ZNF148: variants seen among roughly 807,000 people sequenced by gnomAD.
ZNF148 encodes zinc finger protein 148.
ZNF148 carries 7 observed loss-of-function variants against 67.7 expected under a neutral mutation model. The ratio of observed to expected loss-of-function variants is 0.10; its 90% confidence interval spans 0.06 to 0.19. The LOEUF (loss-of-function observed/expected upper bound fraction) is 0.19, where lower values mean the gene tolerates loss of function less well. Ranked by LOEUF, ZNF148 falls within the 10% of genes least tolerant of loss-of-function variation. The probability of loss-of-function intolerance (pLI) is 1.00; values close to 1 mark genes in which losing one functional copy is unlikely to be tolerated. For synonymous variants in ZNF148, 333 were observed against 330.7 expected, an observed-to-expected ratio of 1.01 and a Z score of -0.08; for missense variants, 583 against 947.1, an observed-to-expected ratio of 0.62 and a Z score of 5.05.
intron 1 of ZNF148, among the ~76,000 whole-genome samples, chr3:125,363,777 G>T (rs1255415031): frequency 6.6e-6 from 1 of 151,588 alleles, no homozygotes; most frequent in African/African-American, 2.4e-5. Context: ...AGCCTCCCGT[G>T]CACCTGGAAC....
intron 4 of ZNF148, among the ~76,000 whole-genome samples, chr3:125,288,863 A>G (rs1393007776): frequency 6.6e-6 from 1 of 152,202 alleles, no homozygotes; most frequent in Non-Finnish European, 1.5e-5. Context: ...TTAGGCTGCT[A>G]CACTGTACAA....
At chr3:125,287,984 C>A in intron 5 of ZNF148, 119 bp downstream of exon 5, 1 of 1,437,418 alleles carries the variant, frequency 7.0e-7, no homozygotes, top group Admixed American at 2.0e-5. Flanking sequence ...GCACCCCCTC[C>A]TACTAAACCA....
At chr3:125,325,276 G>T (rs893739699) in intron 2 of ZNF148, among the ~76,000 whole-genome samples, 1 of 151,974 alleles carries the variant, frequency 6.6e-6, no homozygotes, top group African/African-American at 2.4e-5. Flanking sequence ...GAAAATCAGT[G>T]ACCTTTAAGA....
intron 1 of ZNF148, chr3:125,357,118 G>A (rs1220440027): frequency 6.6e-6 from 1 of 152,218 alleles, no homozygotes; most frequent in Non-Finnish European, 1.5e-5. Context: ...TGGCTGCGGA[G>A]AAGCCACTCA....
chr3:125,232,619 G>T lies in ZNF148; in HGVS notation c.2107C>A (p.Gln703Lys), dbSNP rs780541371. The change falls in exon 9 of 9, where the codon CAG (glutamine) becomes AAG (lysine). Residue 703 changes from glutamine (Q) to lysine (K), a missense_variant. Gln to Lys is a moderately conservative substitution (Grantham distance 53, BLOSUM62 1). Around this residue, in one of 5 missense-constraint regions of ZNF148, gnomAD observed 158 missense variants for 208.4 expected, o/e 0.76. Coordinates refer to ENST00000360647, the MANE Select transcript of ZNF148 (RefSeq NM_021964.3). The surrounding 1 kb of genome is among the most constrained non-coding windows in gnomAD (Gnocchi z 4.2). ...ETNHASATST[Q>K]DFLDQVTSQK... Reference sequence around the variant, plus strand: ...GAAGTCACTTGATCCAGAAAGTCCTGTGTTGATGTGGCAGAAGCATGGTTT... The same window carrying T: ...GAAGTCACTTGATCCAGAAAGTCCTTTGTTGATGTGGCAGAAGCATGGTTT... The T allele has an allele frequency of 6.2e-7, 1 of 1,613,826 alleles. No homozygotes were observed. Among genetic ancestry groups the T allele is most frequent in the Non-Finnish European group, 8.5e-7 (1 of 1,179,776 alleles).
intron 1 of ZNF148, among the ~76,000 whole-genome samples, chr3:125,360,999 C>A (rs566894450): frequency 4.0e-4 from 61 of 151,710 alleles, no homozygotes; most frequent in African/African-American, 1.4e-3. Flanking sequence ...CCACTGCACT[C>A]CAGCCTGGGT....
chr3:125,268,478 T>C (rs1194922490), intron 7 of ZNF148, among the ~76,000 whole-genome samples: 3 of 152,124 alleles, frequency 2.0e-5, no homozygotes, highest in African/African-American at 7.2e-5. Flanking sequence ...CCCTAATAAA[T>C]GGTGCAGTGG....
At chr3:125,287,135 A>G (rs1039248454) in intron 5 of ZNF148, among the ~76,000 whole-genome samples, 1 of 152,228 alleles carries the variant, frequency 6.6e-6, no homozygotes, top group South Asian at 2.1e-4. Flanking sequence ...TATAAATAAT[A>G]ATGATGATTA....
At chr3:125,342,031 A>G (rs528252758) in intron 1 of ZNF148, among the ~76,000 whole-genome samples, 2 of 151,950 alleles carry the variant, frequency 1.3e-5, no homozygotes, top group East Asian at 3.9e-4. Context: ...GGGGAAGAGA[A>G]TCGTTGAACT....
intron 3 of ZNF148, among the ~76,000 whole-genome samples, chr3:125,317,880 T>C (rs916304837): frequency 2.6e-5 from 4 of 151,882 alleles, no homozygotes; most frequent in Admixed American, 6.6e-5. Context: ...AGTAACAGAA[T>C]TGACTCTAGG....
chr3:125,256,763 T>G (rs1054271687), intron 7 of ZNF148, among the ~76,000 whole-genome samples: 25 of 152,308 alleles, frequency 1.6e-4, no homozygotes, highest in African/African-American at 6.0e-4. Context: ...TTCCTACTAG[T>G]CATGTACTAC....
At chr3:125,326,332 G>C (rs1298342471) in intron 2 of ZNF148, among the ~76,000 whole-genome samples, 1 of 151,956 alleles carries the variant, frequency 6.6e-6, no homozygotes, top group Non-Finnish European at 1.5e-5. Context: ...CTGTACTACT[G>C]GGTTTATAAT....
intron 1 of ZNF148, among the ~76,000 whole-genome samples, chr3:125,335,002 A>G (rs1253961474): frequency 1.3e-5 from 2 of 152,190 alleles, no homozygotes; most frequent in East Asian, 3.8e-4. Context: ...CTACAAGTCT[A>G]GCTAAAGTCT....
Position 125,233,322 on chromosome 3 carries a change from C to T in ZNF148, c.1404G>A (p.Met468Ile). The change falls in exon 9 of 9, where the codon ATG becomes ATA. Residue 468 changes from methionine to isoleucine, a missense_variant. By Grantham distance (10) the Met-to-Ile change is conservative (BLOSUM62 1). This residue lies in a region of ZNF148 where 172 missense variants were observed against 307.7 expected (regional missense o/e 0.56). Coordinates refer to ENST00000360647, the MANE Select transcript of ZNF148 (RefSeq NM_021964.3). This position sits in a 1 kb window ranked among gnomAD's most constrained non-coding sequence, Gnocchi z 5.1. ...VHSSTNYDDA[M>I]QFLKKKRYLQ... is the part of the protein sequence containing the mutation. The stretch of plus-strand genomic sequence containing the variant: ...GATACCGCTTCTTCTTCAAAAACTG[C>T]ATGGCATCATCATAATTAGTACTAC... 6.2e-7 allele frequency: 1 copy of T among 1,613,954 alleles called. No homozygotes were observed. Among genetic ancestry groups the T allele is most frequent in the Non-Finnish European group, 8.5e-7 (1 of 1,179,916 alleles).
chr3:125,280,262 A>G (rs888517234), intron 5 of ZNF148, among the ~76,000 whole-genome samples: 5 of 152,102 alleles, frequency 3.3e-5, no homozygotes, highest in African/African-American at 7.2e-5. Flanking sequence ...AGACAAAGCA[A>G]CCTTGTCTTT....
At chr3:125,335,848 C>T (rs1032830943) in intron 1 of ZNF148, among the ~76,000 whole-genome samples, 5 of 152,054 alleles carry the variant, frequency 3.3e-5, no homozygotes, top group Admixed American at 6.6e-5. Context: ...ACTTTTAGCC[C>T]ACCAAATTAT....
chr3:125,351,380 CAAAAAAAAAAAAAA>C (rs1158167448), intron 1 of ZNF148, among the ~76,000 whole-genome samples: 3 of 51,352 alleles, frequency 5.8e-5, no homozygotes, highest in African/African-American at 1.7e-4. Context: ...CCTTGTTTCT[CAAAAAAAAAAAAAA>C]AAAAAAAAAA....
intron 1 of ZNF148, among the ~76,000 whole-genome samples, chr3:125,336,097 T>C (rs550433221): frequency 2.0e-5 from 3 of 152,332 alleles, no homozygotes; most frequent in East Asian, 1.9e-4. Flanking sequence ...GTAATCTTTC[T>C]AGAAAATCAT....
intron 1 of ZNF148, among the ~76,000 whole-genome samples, chr3:125,359,148 T>G (rs1178356953): frequency 1.3e-5 from 2 of 152,340 alleles, no homozygotes; most frequent in East Asian, 3.9e-4. Context: ...CCAAGTTTCA[T>G]GAGTTGAGCA....
Sources: gnomAD v4.1 joint callset for allele counts (sites outside exome capture counted in the v4.1 genomes callset) on GRCh38, gnomAD v4.1.1 for gene constraint, gnomAD v4.1.1 regional missense constraint, Gnocchi (gnomAD v3.1) non-coding constraint, MANE v1.5 for transcripts, NCBI Gene and HGNC (gene_info 2026-07-23, HGNC 2026-07-21) for gene names.